LGSN: variants seen among roughly 807,000 people sequenced by gnomAD.
LGSN encodes the protein lengsin.
In LGSN, 21 loss-of-function variants were observed where a neutral mutation model predicts 19.5. The observed-to-expected ratio is 1.07, with a 90% CI of 0.76 to 1.55. The LOEUF (loss-of-function observed/expected upper bound fraction) is 1.55. Ranked by LOEUF, LGSN falls within the 40% of genes most tolerant of loss-of-function variation. The pLI is 0.00. For missense variants in LGSN, 673 were observed against 608.5 expected (o/e 1.11, Z -1.12); for synonymous variants, 257 against 215.6 (o/e 1.19, Z -1.68).
At chr6:63,285,947 C>T (rs1582022376) in intron 2 of LGSN, among the ~76,000 whole-genome samples, 194 bp from the exon 3 acceptor site, 1 of 152,112 alleles carries the variant, frequency 6.6e-6, no homozygotes, top group East Asian at 1.9e-4. Context: ...TGTGTCTAAA[C>T]AACCTGAGAG....
At chr6:63,407,634 C>G in the LGSN span, among the ~76,000 whole-genome samples, 1 of 152,146 alleles carries the variant, frequency 6.6e-6, no homozygotes, top group African/African-American at 2.4e-5. Context: ...CAGGGATGTC[C>G]TCTGTCACCA....
At chr6:63,315,630 G>A (rs1395381848) in intron 1 of LGSN, among the ~76,000 whole-genome samples, 2 of 150,566 alleles carry the variant, frequency 1.3e-5, no homozygotes, top group African/African-American at 4.9e-5. Context: ...GTGTGTGTGT[G>A]TGTGTGTGTG....
the LGSN span, among the ~76,000 whole-genome samples, chr6:63,407,891 T>A: frequency 6.6e-5 from 10 of 152,190 alleles, no homozygotes; most frequent in African/African-American, 1.4e-4. Flanking sequence ...AATAACAGAC[T>A]AACAGGGAGC....
At chr6:63,288,209 AGAGT>A (rs2127384781) in intron 2 of LGSN, among the ~76,000 whole-genome samples, 1 of 150,980 alleles carries the variant, frequency 6.6e-6, no homozygotes, top group Non-Finnish European at 1.5e-5. Flanking sequence ...CCTGGGTGAC[AGAGT>A]GAGACTCCAT....
the LGSN span, among the ~76,000 whole-genome samples, chr6:63,357,592 A>G: frequency 2.0e-5 from 3 of 152,150 alleles, no homozygotes; most frequent in Non-Finnish European, 4.4e-5. Flanking sequence ...CTGATGATGA[A>G]CATTTTTTCA....
chr6:63,493,722 A>G, the LGSN span, among the ~76,000 whole-genome samples: 1 of 152,000 alleles, frequency 6.6e-6, no homozygotes, highest in African/African-American at 2.4e-5. Context: ...TCATGAGCCT[A>G]TTTGTCTGAC....
the LGSN span, among the ~76,000 whole-genome samples, chr6:63,502,342 G>A: frequency 1.3e-5 from 2 of 152,142 alleles, no homozygotes; most frequent in African/African-American, 4.8e-5. Context: ...TTTTCCTTAT[G>A]CCAACTGCTT....
chr6:63,519,405 A>G, the LGSN span, among the ~76,000 whole-genome samples: 1 of 152,178 alleles, frequency 6.6e-6, no homozygotes, highest in African/African-American at 2.4e-5. Flanking sequence ...TTTTGAAAAC[A>G]CTTCCTCTTT....
intron 2 of LGSN, among the ~76,000 whole-genome samples, chr6:63,292,909 G>A (rs1425284480): frequency 6.6e-6 from 1 of 152,118 alleles, no homozygotes; most frequent in African/African-American, 2.4e-5. Context: ...CAGAAATGAG[G>A]GTAATGTGGT....
chr6:63,333,986 G>T, the LGSN span, among the ~76,000 whole-genome samples: 450 of 152,238 alleles, frequency 3.0e-3, 3 homozygotes, highest in African/African-American at 0.01. Flanking sequence ...AATCATAAAG[G>T]TCATATATAA....
At chr6:63,541,157 C>T in the LGSN span, among the ~76,000 whole-genome samples, 2 of 152,162 alleles carry the variant, frequency 1.3e-5, no homozygotes, top group Non-Finnish European at 2.9e-5. Flanking sequence ...AAGAAATCTG[C>T]ATCTCATCCT....
At chr6:63,405,027 T>C in the LGSN span, among the ~76,000 whole-genome samples, 1 of 141,128 alleles carries the variant, frequency 7.1e-6, no homozygotes, top group Non-Finnish European at 1.5e-5. Context: ...CATTGTTCAA[T>C]TCCCACCTAT....
chr6:63,412,244 G>T, the LGSN span, among the ~76,000 whole-genome samples: 16 of 151,818 alleles, frequency 1.1e-4, no homozygotes, highest in African/African-American at 3.9e-4. Flanking sequence ...GCAGAAGCCT[G>T]TAATCCCAGC....
chr6:63,514,057 A>G, the LGSN span, among the ~76,000 whole-genome samples: 1 of 152,060 alleles, frequency 6.6e-6, no homozygotes, highest in Non-Finnish European at 1.5e-5. Flanking sequence ...AATTAGCGAA[A>G]AATCTGTTAA....
the LGSN span, among the ~76,000 whole-genome samples, chr6:63,566,555 C>A: frequency 4.6e-5 from 7 of 152,082 alleles, no homozygotes; most frequent in African/African-American, 1.7e-4. Context: ...AAAACGGGTA[C>A]CCTAGAATAC....
chr6:63,391,790 G>A, the LGSN span, among the ~76,000 whole-genome samples: 184 of 152,226 alleles, frequency 1.2e-3, no homozygotes, highest in African/African-American at 4.4e-3. Context: ...TGCTGGTCCA[G>A]AAAAGCAGAA....
chr6:63,399,922 C>G, the LGSN span, among the ~76,000 whole-genome samples: 1 of 152,032 alleles, frequency 6.6e-6, no homozygotes, highest in African/African-American at 2.4e-5. Flanking sequence ...ACTGATTGGT[C>G]TTGAGCTCCT....
At chr6:63,468,811 C>A in the LGSN span, among the ~76,000 whole-genome samples, 5,726 of 150,674 alleles carry the variant, frequency 0.038, 364 homozygotes, top group African/African-American at 0.13. Context: ...TGCAATGGCA[C>A]GGTCTCGGCT....
At chr6:63,301,563 T>C (rs562156933) in intron 1 of LGSN, among the ~76,000 whole-genome samples, 1 of 152,106 alleles carries the variant, frequency 6.6e-6, no homozygotes, top group Non-Finnish European at 1.5e-5. Flanking sequence ...TGAAGGTGAA[T>C]GTATTTGTTT....
Sources: allele counts gnomAD v4.1 joint callset (sites outside exome capture counted in the v4.1 genomes callset), GRCh38; gene constraint gnomAD v4.1.1; transcripts MANE v1.5; gene names NCBI Gene and HGNC (gene_info 2026-07-23, HGNC 2026-07-21).